ZBTB20: variants seen among roughly 807,000 people sequenced by gnomAD.
The protein encoded by ZBTB20 is zinc finger and BTB domain-containing protein 20.
A neutral mutation model predicts 56.9 loss-of-function variants in ZBTB20; 9 were observed. The observed-to-expected ratio is 0.16, with a 90% confidence interval of 0.10 to 0.28. The LOEUF is 0.28. ZBTB20 is among the 10% of genes least tolerant of loss of function. The probability of loss-of-function intolerance (pLI) is 1.00; values close to 1 mark genes in which losing one functional copy is unlikely to be tolerated. For missense variants in ZBTB20, 655 were observed against 1,003.0 expected (o/e 0.65, Z 4.69); for synonymous variants, 417 against 420.7 (o/e 0.99, Z 0.11).
chr3:114,584,730 A>G (rs951661307), intron 6 of ZBTB20, among the ~76,000 whole-genome samples: 1 of 152,200 alleles, frequency 6.6e-6, no homozygotes. Context: ...TGTGGTTCTC[A>G]TGGATGGACA....
chr3:114,773,141 T>G (rs1486970565), intron 5 of ZBTB20, among the ~76,000 whole-genome samples: 2 of 152,118 alleles, frequency 1.3e-5, no homozygotes, highest in African/African-American at 4.8e-5. Flanking sequence ...TGAATAAGCA[T>G]GAAAGTGGAT....
chr3:114,672,226 T>G (rs1005077690), intron 6 of ZBTB20, among the ~76,000 whole-genome samples: 1 of 151,868 alleles, frequency 6.6e-6, no homozygotes, highest in African/African-American at 2.4e-5. Context: ...AGAAATGGAG[T>G]AAGAATGCTT....
intron 6 of ZBTB20, among the ~76,000 whole-genome samples, chr3:114,655,345 C>T (rs564773708): frequency 5.3e-5 from 8 of 149,818 alleles, no homozygotes; most frequent in African/African-American, 2.0e-4. Flanking sequence ...CTCCGCTTCC[C>T]GGGTTCACGC....
At chr3:114,525,645 T>C (rs1325783937) in intron 6 of ZBTB20, among the ~76,000 whole-genome samples, 1 of 152,200 alleles carries the variant, frequency 6.6e-6, no homozygotes, top group Non-Finnish European at 1.5e-5. Flanking sequence ...GGGTTATTCT[T>C]ACCTTTTCAC....
rs2078805670 is a variant in ZBTB20 at position 114,319,249 on chromosome 3, T to C, written c.*19756A>G. 1 of 151,890 alleles carries C rather than the reference T, an allele frequency of 6.6e-6. No individual in the cohort carries two copies. The highest frequency in any genetic ancestry group is 1.5e-5 in the Non-Finnish European group (1 of 67,992). The allele number at this position is 151,890 out of a possible 1,614,324, so 9.4% of individuals were successfully genotyped here. On this transcript the variant is annotated 3_prime_UTR_variant, in exon 12 of 12. Transcript: ENST00000675478. ...TAGAAAATATTACACAACAAAAATA[T>C]GTATCCTTCCTTTCCAAAAAAGATT...
intron 3 of ZBTB20, among the ~76,000 whole-genome samples, chr3:114,929,496 A>T (rs556914301): frequency 6.6e-6 from 1 of 152,330 alleles, no homozygotes; most frequent in South Asian, 2.1e-4. Context: ...AGATGAAGGA[A>T]TTCTGAATTT....
intron 6 of ZBTB20, among the ~76,000 whole-genome samples, chr3:114,656,287 T>A (rs912817725): frequency 2.6e-5 from 4 of 152,208 alleles, no homozygotes; most frequent in Admixed American, 1.3e-4. Flanking sequence ...TATTTTTGTG[T>A]TTTTTCTCAG....
intron 6 of ZBTB20, among the ~76,000 whole-genome samples, chr3:114,592,473 G>T (rs1560006863): frequency 1.3e-5 from 2 of 152,168 alleles, no homozygotes; most frequent in Non-Finnish European, 2.9e-5. Context: ...AAAAATGGTT[G>T]TATTTAAGTG....
chr3:114,954,852 T>C (rs1480656168), intron 3 of ZBTB20, among the ~76,000 whole-genome samples: 2 of 152,218 alleles, frequency 1.3e-5, no homozygotes, highest in African/African-American at 4.8e-5. Context: ...CAACATCTTA[T>C]GAAGCTAGGT....
intron 6 of ZBTB20, among the ~76,000 whole-genome samples, chr3:114,562,917 T>C (rs1343666496): frequency 6.6e-6 from 1 of 152,076 alleles, no homozygotes; most frequent in African/African-American, 2.4e-5. Flanking sequence ...AATAGAAACA[T>C]CAAAGATCAC....
At chr3:114,352,045 G>A (rs2080725936) in intron 10 of ZBTB20, 167 bp from the exon 11 acceptor site, 1 of 861,220 alleles carries the variant, frequency 1.2e-6, no homozygotes, top group Non-Finnish European at 1.7e-6. Context: ...CTGTAGGTAC[G>A]ATGACCTGAG....
At chr3:115,009,955 T>C (rs1365435707) in intron 2 of ZBTB20, among the ~76,000 whole-genome samples, 3 of 151,988 alleles carry the variant, frequency 2.0e-5, no homozygotes, top group African/African-American at 4.8e-5. Flanking sequence ...GACAGTATTA[T>C]GTATTTTTTC....
intron 4 of ZBTB20, among the ~76,000 whole-genome samples, chr3:114,816,975 C>G (rs1293322079): frequency 6.6e-6 from 1 of 151,798 alleles, no homozygotes; most frequent in African/African-American, 2.4e-5. Flanking sequence ...AAAAAAATTG[C>G]AGAAGTAAAT....
intron 5 of ZBTB20, among the ~76,000 whole-genome samples, chr3:114,777,322 T>C (rs1311627432): frequency 6.6e-6 from 1 of 152,068 alleles, no homozygotes; most frequent in African/African-American, 2.4e-5. Flanking sequence ...CTGACTAACA[T>C]GGAGAAATGC....
At chr3:114,664,003 G>GA (rs2060902965) in intron 6 of ZBTB20, among the ~76,000 whole-genome samples, 1 of 152,020 alleles carries the variant, frequency 6.6e-6, no homozygotes, top group Non-Finnish European at 1.5e-5. Context: ...TGCTTCTTAA[G>GA]TAGATGTCAT....
At chr3:115,111,208 A>G (rs1198768729) in intron 1 of ZBTB20, among the ~76,000 whole-genome samples, 3 of 152,046 alleles carry the variant, frequency 2.0e-5, no homozygotes, top group African/African-American at 7.2e-5. Flanking sequence ...TACTCCCAAC[A>G]TCACTTAAAC....
intron 1 of ZBTB20, among the ~76,000 whole-genome samples, chr3:115,129,197 T>A (rs1242227306): frequency 1.3e-5 from 2 of 152,204 alleles, no homozygotes; most frequent in East Asian, 3.9e-4. Context: ...TAAACATATT[T>A]TTTAAGAATA....
At chr3:114,501,319 T>A (rs1348390183) in intron 6 of ZBTB20, among the ~76,000 whole-genome samples, 1 of 152,176 alleles carries the variant, frequency 6.6e-6, no homozygotes, top group Non-Finnish European at 1.5e-5. Context: ...AAATCTGATA[T>A]TTCACTCTTT....
chr3:114,852,265 T>A (rs911157377), intron 4 of ZBTB20, among the ~76,000 whole-genome samples: 1 of 150,918 alleles, frequency 6.6e-6, no homozygotes, highest in African/African-American at 2.4e-5. Flanking sequence ...TATTTTATTT[T>A]ATTTATTTTA....
Sources: allele counts gnomAD v4.1 joint callset (sites outside exome capture counted in the v4.1 genomes callset), GRCh38; gene constraint gnomAD v4.1.1; transcripts MANE v1.5; gene names NCBI Gene and HGNC (gene_info 2026-07-23, HGNC 2026-07-21).